The following RBFOX1 variants were observed in gnomAD, a reference collection of about 807,000 sequenced individuals.
The protein encoded by RBFOX1 is RNA binding fox-1 homolog 1.
Under a neutral mutation model 57.7 loss-of-function variants are expected in RBFOX1, and 8 were observed. That is an observed-to-expected ratio of 0.14 (90% CI 0.08 to 0.25). The LOEUF (loss-of-function observed/expected upper bound fraction) is 0.25, where lower values mean the gene tolerates loss of function less well. Ranked by LOEUF, RBFOX1 falls within the 10% of genes least tolerant of loss-of-function variation. RBFOX1 has a pLI of 1.00. For missense variants in RBFOX1, 611 were observed against 548.5 expected, an observed-to-expected ratio of 1.11 and a Z score of -1.14; for synonymous variants, 326 against 222.4, an observed-to-expected ratio of 1.47 and a Z score of -4.15.
intron 4 of RBFOX1, among the ~76,000 whole-genome samples, chr16:5,944,061 C>T (rs997754924): frequency 6.6e-5 from 10 of 152,230 alleles, no homozygotes; most frequent in African/African-American, 9.6e-5. Context: ...ATCCATCCAT[C>T]CATCATTCAG....
chr16:7,274,743 A>G (rs1242892373), intron 4 of RBFOX1, among the ~76,000 whole-genome samples: 2 of 151,974 alleles, frequency 1.3e-5, no homozygotes, highest in Non-Finnish European at 2.9e-5. Context: ...GCAGTGCAGT[A>G]AGACAATCTT....
intron 1 of RBFOX1, among the ~76,000 whole-genome samples, chr16:5,249,341 C>T (rs773974627): frequency 5.3e-5 from 8 of 152,188 alleles, no homozygotes; most frequent in African/African-American, 1.4e-4. Context: ...TCCCTCAGAC[C>T]GTCCTCCTGG....
intron 1 of RBFOX1, among the ~76,000 whole-genome samples, chr16:5,373,011 T>C (rs1012748704): frequency 1.3e-5 from 2 of 152,218 alleles, no homozygotes; most frequent in Non-Finnish European, 2.9e-5. Flanking sequence ...CTCTAAAGTC[T>C]TTCAGAATTT....
chr16:6,752,041 C>G (rs1022278539), intron 3 of RBFOX1, among the ~76,000 whole-genome samples: 4 of 152,138 alleles, frequency 2.6e-5, no homozygotes, highest in Admixed American at 6.6e-5. Context: ...CCACTGCTTT[C>G]AACTTCAGAA....
intron 2 of RBFOX1, among the ~76,000 whole-genome samples, chr16:6,611,907 C>T (rs569056107): frequency 7.9e-5 from 12 of 152,208 alleles, no homozygotes; most frequent in Admixed American, 2.6e-4. Flanking sequence ...CCTCCTCTTC[C>T]CATTGGTTGC....
intron 4 of RBFOX1, among the ~76,000 whole-genome samples, chr16:5,943,282 G>A (rs1464565962): frequency 2.0e-5 from 3 of 152,198 alleles, no homozygotes; most frequent in African/African-American, 7.2e-5. Context: ...AACTTTCTTA[G>A]TATGTAGTCC....
intron 2 of RBFOX1, among the ~76,000 whole-genome samples, chr16:6,349,926 G>A (rs1214731757): frequency 1.3e-5 from 2 of 152,182 alleles, no homozygotes; most frequent in African/African-American, 2.4e-5. Flanking sequence ...GCCATGGGGG[G>A]CAGTGGTGAG....
chr16:5,278,351 C>T (rs959467019), intron 1 of RBFOX1, among the ~76,000 whole-genome samples: 1 of 152,132 alleles, frequency 6.6e-6, no homozygotes, highest in African/African-American at 2.4e-5. Flanking sequence ...TGCAGAAGCT[C>T]TTTCATTTAA....
At chr16:6,938,109 A>G (rs2153490039) in intron 3 of RBFOX1, among the ~76,000 whole-genome samples, 1 of 152,216 alleles carries the variant, frequency 6.6e-6, no homozygotes, top group South Asian at 2.1e-4. Flanking sequence ...CACATACCTT[A>G]AAAAAGGAAT....
At chr16:6,317,156 AC>A in intron 2 of RBFOX1, 99 bp downstream of exon 2, 1 of 1,209,580 alleles carries the variant, frequency 8.3e-7, no homozygotes, top group Non-Finnish European at 1.2e-6. Context: ...TGAAGTTGTT[AC>A]AAAAACTTTG....
intron 2 of RBFOX1, among the ~76,000 whole-genome samples, chr16:6,594,948 C>T (rs773455562): frequency 2.0e-4 from 30 of 152,220 alleles, no homozygotes; most frequent in South Asian, 8.3e-4. Context: ...GCCACCACAC[C>T]GGGCTAATTT....
intron 2 of RBFOX1, among the ~76,000 whole-genome samples, chr16:6,420,370 T>C (rs988132092): frequency 1.3e-5 from 2 of 152,188 alleles, no homozygotes; most frequent in Non-Finnish European, 2.9e-5. Context: ...CTTTCATTTT[T>C]TATTTTTTTA....
intron 1 of RBFOX1, among the ~76,000 whole-genome samples, chr16:6,146,274 C>T (rs531269310): frequency 1.3e-5 from 2 of 152,266 alleles, no homozygotes; most frequent in South Asian, 4.1e-4. Flanking sequence ...ATCCACGCTT[C>T]TTTTTAAAAT....
intron 3 of RBFOX1, among the ~76,000 whole-genome samples, chr16:7,037,569 T>A (rs547621541): frequency 6.6e-6 from 1 of 152,292 alleles, no homozygotes; most frequent in Admixed American, 6.5e-5. Flanking sequence ...CAACAACAAA[T>A]GGACTACTGA....
Position 7,052,108 on chromosome 16 carries a change from C to A in RBFOX1, c.27+10C>A, listed in dbSNP as rs747935121. ...AAGAGAGCAGCTAAGGGTAGGTGCA[C>A]CTGCTTGTAAAATGCTTCCTGATTC... is the stretch of plus-strand genomic sequence containing the variant. On this transcript the variant is annotated intron_variant, in intron 4 of 15. Coordinates refer to ENST00000550418, the MANE Select transcript of RBFOX1 (RefSeq NM_018723.4). 3 of 1,594,952 alleles carry A rather than the reference C, an allele frequency of 1.9e-6. No individual in the cohort carries two copies. Among genetic ancestry groups the A allele is most frequent in the African/African-American group, 1.4e-5 (1 of 73,664 alleles).
chr16:5,596,968 T>C (rs2047203083), intron 2 of RBFOX1, among the ~76,000 whole-genome samples: 1 of 152,218 alleles, frequency 6.6e-6, no homozygotes, highest in Non-Finnish European at 1.5e-5. Flanking sequence ...AACACATTTT[T>C]GATTTCTTGG....
intron 4 of RBFOX1, among the ~76,000 whole-genome samples, chr16:5,923,785 C>T (rs1826565730): frequency 3.3e-5 from 5 of 152,024 alleles, no homozygotes. Context: ...AAGTGATGTG[C>T]CTACCTCAGC....
At chr16:6,509,161 G>C (rs145437421) in intron 2 of RBFOX1, among the ~76,000 whole-genome samples, 5 of 152,272 alleles carry the variant, frequency 3.3e-5, no homozygotes, top group African/African-American at 7.2e-5. Flanking sequence ...TTAATGCAGA[G>C]AGGATCTTCC....
intron 1 of RBFOX1, among the ~76,000 whole-genome samples, chr16:5,324,870 A>G (rs930560159): frequency 6.6e-6 from 1 of 152,216 alleles, no homozygotes; most frequent in Non-Finnish European, 1.5e-5. Flanking sequence ...ACTATCATTT[A>G]CTAGACTTAG....
Sources: allele counts gnomAD v4.1 joint callset (sites outside exome capture counted in the v4.1 genomes callset), GRCh38; gene constraint gnomAD v4.1.1; transcripts MANE v1.5; gene names NCBI Gene and HGNC (gene_info 2026-07-23, HGNC 2026-07-21).